SPMIP2: variants seen among roughly 807,000 people sequenced by gnomAD.
The protein encoded by SPMIP2 is sperm microtubule inner protein 2.
chr4:158,918,009 G>A, the SPMIP2 span, among the ~76,000 whole-genome samples: 6 of 152,104 alleles, frequency 3.9e-5, no homozygotes, highest in Non-Finnish European at 7.4e-5. Flanking sequence ...GTGAACCATC[G>A]TGCCCGGCCT....
the SPMIP2 span, among the ~76,000 whole-genome samples, chr4:158,895,463 AAC>A: frequency 8.5e-5 from 13 of 152,248 alleles, no homozygotes; most frequent in African/African-American, 2.2e-4. Flanking sequence ...AAAGGCAAGA[AAC>A]ACTTTTGGAA....
the SPMIP2 span, among the ~76,000 whole-genome samples, chr4:158,996,473 T>A: frequency 3.9e-5 from 6 of 152,150 alleles, no homozygotes; most frequent in Non-Finnish European, 7.3e-5. Flanking sequence ...ATGAAAAAAA[T>A]TAGTAAGATT....
chr4:158,996,075 T>C, the SPMIP2 span, among the ~76,000 whole-genome samples: 1 of 152,176 alleles, frequency 6.6e-6, no homozygotes, highest in Admixed American at 6.6e-5. Flanking sequence ...TTGGAACCTC[T>C]TTAGCATTCT....
the SPMIP2 span, among the ~76,000 whole-genome samples, chr4:158,969,464 C>T: frequency 6.6e-6 from 1 of 152,014 alleles, no homozygotes; most frequent in Non-Finnish European, 1.5e-5. Context: ...TTTATACATA[C>T]ATTTATTATT....
the SPMIP2 span, among the ~76,000 whole-genome samples, chr4:159,071,113 T>TA: frequency 6.6e-6 from 1 of 152,210 alleles, no homozygotes; most frequent in Admixed American, 6.5e-5. Context: ...CAGTAATTGT[T>TA]ATAATTAGCT....
At chr4:158,935,887 C>A in the SPMIP2 span, among the ~76,000 whole-genome samples, 1 of 152,178 alleles carries the variant, frequency 6.6e-6, no homozygotes, top group African/African-American at 2.4e-5. Flanking sequence ...AAGAAGGGAC[C>A]CGCCGGGGCT....
At chr4:159,019,554 C>T in the SPMIP2 span, among the ~76,000 whole-genome samples, 4 of 152,118 alleles carry the variant, frequency 2.6e-5, no homozygotes, top group African/African-American at 9.7e-5. Context: ...ATTCTCTTTG[C>T]ACGTGGAAGT....
the SPMIP2 span, among the ~76,000 whole-genome samples, chr4:158,953,560 C>A: frequency 7.2e-5 from 11 of 152,228 alleles, no homozygotes; most frequent in African/African-American, 2.4e-4. Flanking sequence ...CCTACTGGGG[C>A]ACTGCCTAGT....
the SPMIP2 span, among the ~76,000 whole-genome samples, chr4:159,003,113 G>C: frequency 6.6e-6 from 1 of 152,054 alleles, no homozygotes; most frequent in Non-Finnish European, 1.5e-5. Context: ...ATATCTCCCT[G>C]CCAAGTTTAT....
At chr4:159,081,965 T>C in the SPMIP2 span, among the ~76,000 whole-genome samples, 8 of 152,090 alleles carry the variant, frequency 5.3e-5, no homozygotes, top group African/African-American at 9.7e-5. Context: ...ATCCAGACTC[T>C]GCTGAAACTC....
At chr4:159,022,679 T>A in the SPMIP2 span, among the ~76,000 whole-genome samples, 1 of 152,190 alleles carries the variant, frequency 6.6e-6, no homozygotes, top group Non-Finnish European at 1.5e-5. Flanking sequence ...TGGCCTGCAA[T>A]GCCCTAGATA....
chr4:158,902,427 A>G, the SPMIP2 span, among the ~76,000 whole-genome samples: 1 of 152,246 alleles, frequency 6.6e-6, no homozygotes, highest in African/African-American at 2.4e-5. Context: ...GTCGGCCCCT[A>G]CTGGGAGGTG....
At chr4:158,961,446 TCA>T in the SPMIP2 span, among the ~76,000 whole-genome samples, 1 of 152,082 alleles carries the variant, frequency 6.6e-6, no homozygotes, top group African/African-American at 2.4e-5. Context: ...ATAAACAAGG[TCA>T]CTATTCCATA....
the SPMIP2 span, among the ~76,000 whole-genome samples, chr4:158,993,279 C>T: frequency 6.6e-6 from 1 of 151,812 alleles, no homozygotes; most frequent in African/African-American, 2.4e-5. Flanking sequence ...AGGCAGGAGG[C>T]TCATTTGAGC....
chr4:159,012,641 G>A, the SPMIP2 span, among the ~76,000 whole-genome samples: 2 of 151,832 alleles, frequency 1.3e-5, no homozygotes, highest in Admixed American at 1.3e-4. Flanking sequence ...GTGCCATCAC[G>A]ACTCACTGCA....
At chr4:158,950,014 T>C in the SPMIP2 span, among the ~76,000 whole-genome samples, 11,306 of 152,268 alleles carry the variant, frequency 0.074, 576 homozygotes, top group Non-Finnish European at 0.11. Flanking sequence ...ACTTTGGCTG[T>C]CCTTACCTTG....
the SPMIP2 span, among the ~76,000 whole-genome samples, chr4:158,993,116 C>G: frequency 6.6e-6 from 1 of 151,940 alleles, no homozygotes; most frequent in Non-Finnish European, 1.5e-5. Flanking sequence ...TGTCAGGCAC[C>G]ATGGAAGGCT....
the SPMIP2 span, among the ~76,000 whole-genome samples, chr4:158,986,524 A>G: frequency 2.6e-5 from 4 of 152,068 alleles, no homozygotes; most frequent in African/African-American, 9.7e-5. Context: ...GAGAAAAGCA[A>G]TGGAGAAAGG....
the SPMIP2 span, among the ~76,000 whole-genome samples, chr4:159,068,248 T>C: frequency 6.6e-6 from 1 of 152,132 alleles, no homozygotes; most frequent in Non-Finnish European, 1.5e-5. Flanking sequence ...TAGCAAAGAC[T>C]TGGAATCAAC....
Sources: gnomAD v4.1 joint callset for allele counts (sites outside exome capture counted in the v4.1 genomes callset) on GRCh38, gnomAD v4.1.1 for gene constraint, MANE v1.5 for transcripts, NCBI Gene and HGNC (gene_info 2026-07-23, HGNC 2026-07-21) for gene names.